SEC24C: variants seen among roughly 807,000 people sequenced by gnomAD.
SEC24C encodes protein transport protein Sec24C.
In SEC24C, 22 loss-of-function variants were observed where a neutral mutation model predicts 117.0. That is an observed-to-expected ratio of 0.19 (90% confidence interval 0.13 to 0.27). SEC24C has a LOEUF of 0.27. Among genes scored for constraint, SEC24C ranks in the 10% least tolerant of loss-of-function variants. The pLI, the probability that SEC24C is intolerant of heterozygous loss-of-function variation, is 1.00. For synonymous variants in SEC24C, 506 were observed against 529.4 expected (o/e 0.96, Z 0.61); for missense variants, 1,155 against 1,375.1 (o/e 0.84, Z 2.53).
At chr10:73,750,698 T>A (rs1040773504) in intron 2 of SEC24C, among the ~76,000 whole-genome samples, 1 of 152,246 alleles carries the variant, frequency 6.6e-6, no homozygotes, top group Non-Finnish European at 1.5e-5. Context: ...TTCCGTATAT[T>A]ACTTGGTCAT....
intron 1 of SEC24C, among the ~76,000 whole-genome samples, chr10:73,745,541 AG>A (rs2082533773): frequency 8.4e-6 from 1 of 119,068 alleles, no homozygotes; most frequent in Admixed American, 8.5e-5. Flanking sequence ...TAGAGTTTTC[AG>A]GTGTCCTTTA....
intron 3 of SEC24C, among the ~76,000 whole-genome samples, chr10:73,758,851 TTG>T (rs111974775): frequency 5.3e-5 from 8 of 150,306 alleles, no homozygotes; most frequent in South Asian, 2.1e-4. Flanking sequence ...TAGTTGGTTT[TTG>T]TGTGTGTGTG....
rs2082780292 is a variant in SEC24C at position 73,760,397 on chromosome 10, C to T, written c.850+11C>T. ...AGCCCCAACAAAATGGTGAGTCTTTCCCAAGGTCTGTCTTAGAAGCTAGAG... is the reference window on the plus strand; with the variant it reads ...AGCCCCAACAAAATGGTGAGTCTTTTCCAAGGTCTGTCTTAGAAGCTAGAG... On this transcript the variant is annotated intron_variant, in intron 5 of 22. Transcript: ENST00000345254. The T allele has an allele frequency of 1.3e-6, 2 of 1,574,552 alleles. No individual in the cohort carries two copies. The highest frequency in any genetic ancestry group is 1.3e-5 in the African/African-American group (1 of 74,224).
chr10:73,762,286 G>C (rs1209351271), intron 6 of SEC24C: 1 of 639,912 alleles, frequency 1.6e-6, no homozygotes, highest in Non-Finnish European at 2.5e-6. Flanking sequence ...TCTTCCTTTA[G>C]CCTAGCCCTT....
At chr10:73,767,255 C>G (rs2082899291) in intron 14 of SEC24C, 85 bp downstream of exon 14, 1 of 836,674 alleles carries the variant, frequency 1.2e-6, no homozygotes, top group East Asian at 2.4e-5. Flanking sequence ...TGGCTAGGAC[C>G]AGACACTCCA....
rs751566637 is a variant in SEC24C, at chr10:73,772,081, C to G, written c.*986C>G. On this transcript the variant is annotated 3_prime_UTR_variant, in exon 23 of 23. Coordinates refer to ENST00000345254, the MANE Select transcript of SEC24C (RefSeq NM_198597.3). ...GCTCCCCACCTGGGATGCCCCTGCT[C>G]TGGACCTCTCATTTCTCTTCATTGG... is the stretch of plus-strand genomic sequence containing the variant. The G allele has an allele frequency of 2.5e-6, 1 of 393,334 alleles. No individual in the cohort carries two copies. Among genetic ancestry groups the G allele is most frequent in the East Asian group, 3.8e-5 (1 of 26,328 alleles). The allele number at this position is 393,334 out of a possible 1,614,324, so 24.4% of individuals were successfully genotyped here.
In SEC24C at chr10:73,769,412, C is replaced by A. The variant is rs1007404515; in HGVS notation, c.2490C>A (p.Asn830Lys). The A allele has an allele frequency of 1.2e-6, 2 of 1,614,036 alleles. No homozygotes were observed. Among genetic ancestry groups the A allele is most frequent in the East Asian group, 2.2e-5 (1 of 44,892 alleles). The change falls in exon 18 of 23, where the codon AAC (asparagine) becomes AAA (lysine). Residue 830 changes from asparagine to lysine, a missense_variant. Coordinates refer to ENST00000345254, the MANE Select transcript of SEC24C (RefSeq NM_198597.3). The surrounding 1 kb of genome is among the most constrained non-coding windows in gnomAD (Gnocchi z 4.5). ...RRLRIHNLAL[N>K]CCTQLADLYR... ...TCCGCATCCATAATCTGGCCCTGAA[C>A]TGCTGCACCCAGCTGGCTGATCTAT...
intron 3 of SEC24C, among the ~76,000 whole-genome samples, chr10:73,753,050 TTC>T: frequency 6.6e-6 from 1 of 152,156 alleles, no homozygotes; most frequent in South Asian, 2.1e-4. Context: ...AGTAATTACT[TTC>T]TTTTTCTTTT....
In SEC24C at chr10:73,771,030, G is replaced by C. The variant is rs2082972863; in HGVS notation, c.3220G>C (p.Gly1074Arg). The change falls in exon 23 of 23, where the codon GGG becomes CGG. Residue 1074 changes from glycine to arginine, a missense_variant. Gly to Arg is a moderately radical substitution (Grantham distance 125, BLOSUM62 -2). Coordinates refer to ENST00000345254, the MANE Select transcript of SEC24C (RefSeq NM_198597.3). ...HFLVEDKSLS[G>R]GASYVDFLCH... is the part of the protein sequence containing the mutation. The stretch of plus-strand genomic sequence containing the variant: ...CCTGGTGGAAGACAAGAGTCTGAGT[G>C]GGGGAGCATCTTATGTGGACTTTCT... 1 of 1,614,186 alleles carries C rather than the reference G, an allele frequency of 6.2e-7. No homozygotes were observed. The highest frequency in any genetic ancestry group is 8.5e-7 in the Non-Finnish European group (1 of 1,180,028).
Position 73,766,095 on chromosome 10 carries a change from T to G in SEC24C, c.1492T>G (p.Phe498Val), listed in dbSNP as rs1265569687. ...TTTTCTTCCTCTGCAGAACAATAAG[T>G]TCCCCAGCCCTCCTGCCTTTATCTT... ...ATVDYCKNNK[F>V]PSPPAFIFMI... Residue 498 changes from phenylalanine to valine, a missense_variant, in exon 11 of 23, where the codon TTC (phenylalanine) becomes GTC (valine). Phe to Val is a conservative substitution (Grantham distance 50, BLOSUM62 -1). Around this residue, in one of 2 missense-constraint regions of SEC24C, gnomAD observed 759 missense variants for 992.3 expected, o/e 0.76. Transcript: ENST00000345254. 6.2e-7 allele frequency: 1 copy of G among 1,612,946 alleles called. No individual in the cohort carries two copies. The highest frequency in any genetic ancestry group is 8.5e-7 in the Non-Finnish European group (1 of 1,179,884).
chr10:73,769,186 G>A lies in SEC24C; in HGVS notation c.2424+34G>A. ...CGGGAGGCGGGGCTGGGCAGGAAGT[G>A]TTTCATTCGCTTGGTATAGAAGAGG... On this transcript the variant is annotated intron_variant, in intron 17 of 22. Coordinates refer to ENST00000345254, the MANE Select transcript of SEC24C (RefSeq NM_198597.3). The surrounding 1 kb of genome is among the most constrained non-coding windows in gnomAD (Gnocchi z 4.5). 1 of 1,611,030 alleles carries A rather than the reference G, an allele frequency of 6.2e-7. No homozygotes were observed. Among genetic ancestry groups the A allele is most frequent in the Non-Finnish European group, 8.5e-7 (1 of 1,178,600 alleles).
chr10:73,769,118 A>G lies in SEC24C; in HGVS notation c.2390A>G (p.Asp797Gly). The G allele has an allele frequency of 2.5e-6, 4 of 1,614,170 alleles. No individual in the cohort carries two copies. Among genetic ancestry groups the G allele is most frequent in the Non-Finnish European group, 3.4e-6 (4 of 1,180,024 alleles). Residue 797 changes from aspartate (D) to glycine (G), a missense_variant, in exon 17 of 23, where the codon GAT (aspartate) becomes GGT (glycine). Physicochemically the swap from Asp to Gly is moderately conservative, Grantham distance 94. Around this residue, in one of 2 missense-constraint regions of SEC24C, gnomAD observed 759 missense variants for 992.3 expected, o/e 0.76. Transcript: ENST00000345254. The surrounding 1 kb of genome is among the most constrained non-coding windows in gnomAD (Gnocchi z 4.5). ...KTVTVEFKHD[D>G]RLNEESGALL... ...GTGACTGTGGAGTTCAAGCATGACG[A>G]TCGGCTCAATGAAGAGAGCGGAGCT...
chr10:73,751,127 T>A lies in SEC24C; in HGVS notation c.192T>A (p.Pro64=). The change falls in exon 3 of 23, where the codon CCT becomes CCA. Residue 64 remains proline (P), a synonymous_variant. Coordinates refer to ENST00000345254, the MANE Select transcript of SEC24C (RefSeq NM_198597.3). ...CCTCAGGTATGTCAAGAGCCCCACCTTCCTCGGGGGCACCTCCAGCCTCAA... is the reference window on the plus strand; with the variant it reads ...CCTCAGGTATGTCAAGAGCCCCACCATCCTCGGGGGCACCTCCAGCCTCAA... ...TPPQGMSRAP[P]SSGAPPASTA... is the part of the protein sequence containing the mutation. The A allele has an allele frequency of 6.2e-7, 1 of 1,614,106 alleles. No homozygotes were observed. The highest frequency in any genetic ancestry group is 8.5e-7 in the Non-Finnish European group (1 of 1,179,942).
intron 20 of SEC24C, 76 bp from the exon 21 acceptor site, chr10:73,770,204 A>G: frequency 2.1e-6 from 3 of 1,448,484 alleles, no homozygotes; most frequent in Non-Finnish European, 2.8e-6. Flanking sequence ...TAGCTTTCAA[A>G]ATTTTGTGTG....
intron 1 of SEC24C, among the ~76,000 whole-genome samples, chr10:73,745,006 G>A (rs934948515): frequency 6.6e-6 from 1 of 152,020 alleles, no homozygotes; most frequent in Non-Finnish European, 1.5e-5. Context: ...ACCTCTGTAA[G>A]GTTTAGGGTT....
chr10:73,744,917 A>C (rs1056617719), intron 1 of SEC24C, among the ~76,000 whole-genome samples: 8 of 152,166 alleles, frequency 5.3e-5, no homozygotes, highest in Non-Finnish European at 8.8e-5. Context: ...CTGGAGAAGA[A>C]GCTCCTTTCT....
At chr10:73,766,913 C>A in intron 13 of SEC24C, 60 bp downstream of exon 13, 1 of 1,505,574 alleles carries the variant, frequency 6.6e-7, no homozygotes, top group Non-Finnish European at 9.2e-7. Flanking sequence ...CATCTTATCC[C>A]CTGGGATACA....
intron 10 of SEC24C, 41 bp from the exon 11 acceptor site, chr10:73,766,045 C>A (rs1180788654): frequency 6.2e-7 from 1 of 1,605,802 alleles, no homozygotes; most frequent in Non-Finnish European, 8.5e-7. Flanking sequence ...AACTGGCCTG[C>A]TTACCATTCC....
intron 6 of SEC24C, among the ~76,000 whole-genome samples, chr10:73,762,440 G>C (rs2082812185): frequency 6.6e-6 from 1 of 152,142 alleles, no homozygotes; most frequent in African/African-American, 2.4e-5. Flanking sequence ...TCAAGCTTTG[G>C]CTTTAGTTCT....
Sources: allele counts gnomAD v4.1 joint callset (sites outside exome capture counted in the v4.1 genomes callset), GRCh38; gene constraint gnomAD v4.1.1; regional missense constraint gnomAD v4.1.1; non-coding constraint Gnocchi (gnomAD v3.1); transcripts MANE v1.5; gene names NCBI Gene and HGNC (gene_info 2026-07-23, HGNC 2026-07-21).